The following STPG2 variants were observed in gnomAD, a reference collection of about 807,000 sequenced individuals.
STPG2 encodes the protein sperm-tail PG-rich repeat-containing protein 2.
A neutral mutation model predicts 54.2 loss-of-function variants in STPG2; 56 were observed. The observed-to-expected ratio is 1.03, with a 90% CI of 0.83 to 1.29. The LOEUF (loss-of-function observed/expected upper bound fraction) is 1.29, where lower values mean the gene tolerates loss of function less well. Among genes scored for constraint, STPG2 ranks in the 50% most tolerant of loss-of-function variants. The probability of loss-of-function intolerance (pLI) is 0.00; values close to 1 mark genes in which losing one functional copy is unlikely to be tolerated. For missense variants in STPG2, 596 were observed against 544.9 expected, an observed-to-expected ratio of 1.09 and a Z score of -0.93; for synonymous variants, 200 against 181.8, an observed-to-expected ratio of 1.10 and a Z score of -0.81.
chr4:97,949,716 C>G (rs1227958737), intron 7 of STPG2, among the ~76,000 whole-genome samples: 1 of 152,140 alleles, frequency 6.6e-6, no homozygotes, highest in Non-Finnish European at 1.5e-5. Flanking sequence ...GGACCCCAGT[C>G]CCTTCTGGTT....
At chr4:97,493,710 C>G (rs1362933170) in intron 4 of STPG2, among the ~76,000 whole-genome samples, 1 of 151,398 alleles carries the variant, frequency 6.6e-6, no homozygotes, top group East Asian at 2.0e-4. Flanking sequence ...TGAAAAAGTA[C>G]ATAAGAAACG....
At chr4:97,573,046 G>C (rs1049067123) in intron 10 of STPG2, among the ~76,000 whole-genome samples, 1 of 152,020 alleles carries the variant, frequency 6.6e-6, no homozygotes, top group African/African-American at 2.4e-5. Flanking sequence ...GTTTGTTATC[G>C]TCCCTCTGCA....
At chr4:98,017,305 T>C (rs1735986912) in intron 5 of STPG2, among the ~76,000 whole-genome samples, 1 of 152,206 alleles carries the variant, frequency 6.6e-6, no homozygotes, top group South Asian at 2.1e-4. Context: ...GTAAGGGCAG[T>C]ACTGGAGCCT....
intron 3 of STPG2, among the ~76,000 whole-genome samples, chr4:98,122,266 T>A (rs1464039792): frequency 3.9e-5 from 6 of 152,334 alleles, no homozygotes; most frequent in South Asian, 2.1e-4. Context: ...GAGGGCATCA[T>A]TGTCTTGTGC....
intron 10 of STPG2, among the ~76,000 whole-genome samples, chr4:97,635,854 A>T (rs1721500042): frequency 6.6e-6 from 1 of 151,898 alleles, no homozygotes; most frequent in African/African-American, 2.4e-5. Flanking sequence ...GTCCTGAGTG[A>T]CCGACAAAGA....
intron 5 of STPG2, among the ~76,000 whole-genome samples, chr4:97,998,365 C>T (rs1203387590): frequency 1.3e-5 from 2 of 152,190 alleles, no homozygotes; most frequent in African/African-American, 2.4e-5. Context: ...TTATTACAGC[C>T]AACCCCTCTG....
rs1246673042 is a variant in STPG2, at chr4:97,669,544, C to A, written c.1320+43155G>T. ...GGGCGCGGTGGCTCACGCCTGTAATCCCAGCACTTTGGGAGGCCGAGGCGG... is the reference window on the plus strand; with the variant it reads ...GGGCGCGGTGGCTCACGCCTGTAATACCAGCACTTTGGGAGGCCGAGGCGG... On this transcript the variant is annotated intron_variant, in intron 10 of 10. Coordinates refer to ENST00000295268, the MANE Select transcript of STPG2 (RefSeq NM_174952.3). Among the ~76,000 whole-genome samples, 2 of 26,450 alleles carry A rather than the reference C, an allele frequency of 7.6e-5. 1 individual carries two copies. The highest frequency in any genetic ancestry group is 1.4e-4 in the Non-Finnish European group (2 of 14,574). The allele number at this position is 26,450 out of a possible 152,430, so 17.4% of individuals were successfully genotyped here. A position where few individuals can be genotyped will look rare whatever the true frequency, so the allele number is the denominator to read the frequency against.
chr4:98,076,672 G>T (rs1208273371), intron 5 of STPG2, among the ~76,000 whole-genome samples: 1 of 152,026 alleles, frequency 6.6e-6, no homozygotes, highest in Non-Finnish European at 1.5e-5. Context: ...ATATAATGTT[G>T]GAAGACATTT....
At chr4:97,951,881 T>C (rs927237180) in intron 7 of STPG2, among the ~76,000 whole-genome samples, 1 of 152,026 alleles carries the variant, frequency 6.6e-6, no homozygotes, top group Non-Finnish European at 1.5e-5. Flanking sequence ...CAATATGTAA[T>C]GGTAGGCAGA....
intron 4 of STPG2, among the ~76,000 whole-genome samples, chr4:97,473,079 G>A (rs541008341): frequency 2.6e-4 from 39 of 152,202 alleles, no homozygotes; most frequent in African/African-American, 6.3e-4. Context: ...CATCTCGTAA[G>A]CTGAGGAGGA....
intron 9 of STPG2, among the ~76,000 whole-genome samples, chr4:97,823,715 C>CCGA (rs1728162836): frequency 6.6e-6 from 1 of 152,042 alleles, no homozygotes; most frequent in African/African-American, 2.4e-5. Flanking sequence ...GAAGAGACAC[C>CCGA]CGACCCAAAG....
chr4:97,588,601 TAAA>T (rs1319949206), intron 10 of STPG2, among the ~76,000 whole-genome samples: 17 of 151,900 alleles, frequency 1.1e-4, no homozygotes, highest in Admixed American at 5.9e-4. Flanking sequence ...AAGAGTGCAA[TAAA>T]AAGAAGCTCA....
At chr4:98,066,473 A>G (rs783967) in intron 5 of STPG2, among the ~76,000 whole-genome samples, 130,625 of 152,096 alleles carry the variant, frequency 0.86, 56,238 homozygotes, top group Middle Eastern at 0.97. Context: ...CCTATAATCC[A>G]AGCTACTCGG....
chr4:98,095,024 A>C (rs1043134496), intron 5 of STPG2, among the ~76,000 whole-genome samples: 7 of 152,174 alleles, frequency 4.6e-5, no homozygotes, highest in Non-Finnish European at 1.5e-5. Context: ...AAAACAACAA[A>C]AAGTTAAAAA....
intron 8 of STPG2, among the ~76,000 whole-genome samples, chr4:97,878,355 G>A (rs534221363): frequency 2.0e-5 from 3 of 152,154 alleles, no homozygotes; most frequent in African/African-American, 7.2e-5. Flanking sequence ...CTTCTGCACT[G>A]CCCTAGCAGA....
At chr4:98,035,125 G>A (rs879396940) in intron 5 of STPG2, among the ~76,000 whole-genome samples, 1 of 152,144 alleles carries the variant, frequency 6.6e-6, no homozygotes, top group Non-Finnish European at 1.5e-5. Flanking sequence ...AAGAGCTTCT[G>A]CACAGAAAAA....
intron 10 of STPG2, among the ~76,000 whole-genome samples, chr4:97,687,550 A>G (rs1461938436): frequency 1.3e-5 from 2 of 151,274 alleles, no homozygotes; most frequent in African/African-American, 4.9e-5. Flanking sequence ...ACGTTGGCCA[A>G]GCTGGTCTCG....
At chr4:97,506,019 C>CAAAAA (rs59206485) in intron 4 of STPG2, among the ~76,000 whole-genome samples, 2 of 16,922 alleles carry the variant, frequency 1.2e-4, no homozygotes, top group Admixed American at 6.3e-4. Context: ...AATAGGAGAC[C>CAAAAA]AAAAAAAAAA....
At chr4:97,525,332 C>A (rs959224777) in intron 4 of STPG2, among the ~76,000 whole-genome samples, 3 of 151,778 alleles carry the variant, frequency 2.0e-5, no homozygotes, top group African/African-American at 7.3e-5. Flanking sequence ...CCAGAGTTTA[C>A]ACAGGACTAA....
Sources: gnomAD v4.1 joint callset for allele counts (sites outside exome capture counted in the v4.1 genomes callset) on GRCh38, gnomAD v4.1.1 for gene constraint, MANE v1.5 for transcripts, NCBI Gene and HGNC (gene_info 2026-07-23, HGNC 2026-07-21) for gene names.